Variants in EXOC6B observed in about 807,000 individuals in gnomAD.
EXOC6B encodes exocyst complex component 6B.
EXOC6B carries 54 observed loss-of-function variants against 113.5 expected under a neutral mutation model. That is an observed-to-expected ratio of 0.48 (90% confidence interval 0.38 to 0.60). The LOEUF (loss-of-function observed/expected upper bound fraction) is 0.60, where lower values mean the gene tolerates loss of function less well. Among genes scored for constraint, EXOC6B ranks in the 20% least tolerant of loss-of-function variants. The pLI, the probability that EXOC6B is intolerant of heterozygous loss-of-function variation, is 0.00. For missense variants in EXOC6B, 797 were observed against 977.5 expected, an observed-to-expected ratio of 0.82 and a Z score of 2.46; for synonymous variants, 357 against 339.0, an observed-to-expected ratio of 1.05 and a Z score of -0.58.
intron 1 of EXOC6B, among the ~76,000 whole-genome samples, chr2:72,759,186 A>G (rs1193354200): frequency 6.6e-6 from 1 of 152,182 alleles, no homozygotes. Context: ...GTAGGAACCA[A>G]TTCATACAGT....
At chr2:72,214,215 C>T (rs1017074661) in intron 20 of EXOC6B, among the ~76,000 whole-genome samples, 3 of 152,122 alleles carry the variant, frequency 2.0e-5, no homozygotes, top group African/African-American at 7.2e-5. Flanking sequence ...CGGCCGTGCA[C>T]GGTGGCTCAT....
intron 20 of EXOC6B, among the ~76,000 whole-genome samples, chr2:72,188,017 T>C (rs1352647376): frequency 6.6e-6 from 1 of 152,124 alleles, no homozygotes; most frequent in East Asian, 1.9e-4. Context: ...GATGCCTGGG[T>C]CTGCAGCCAC....
chr2:72,715,387 G>A (rs893157192), intron 6 of EXOC6B, among the ~76,000 whole-genome samples: 1 of 150,022 alleles, frequency 6.7e-6, no homozygotes, highest in Non-Finnish European at 1.5e-5. Flanking sequence ...CCTAAGGAAT[G>A]TATATTTCCC....
intron 18 of EXOC6B, among the ~76,000 whole-genome samples, chr2:72,442,801 T>A (rs1696287984): frequency 6.6e-6 from 1 of 152,190 alleles, no homozygotes; most frequent in African/African-American, 2.4e-5. Flanking sequence ...ATTGTTAAAA[T>A]GGCCATACTG....
intron 6 of EXOC6B, among the ~76,000 whole-genome samples, chr2:72,591,225 A>G (rs919407077): frequency 6.6e-6 from 1 of 152,094 alleles, no homozygotes; most frequent in Non-Finnish European, 1.5e-5. Context: ...ATCTTTATCC[A>G]CCAATGAAGC....
At chr2:72,309,713 G>C (rs1687079887) in intron 20 of EXOC6B, among the ~76,000 whole-genome samples, 1 of 150,832 alleles carries the variant, frequency 6.6e-6, no homozygotes, top group Non-Finnish European at 1.5e-5. Context: ...GTGGCACTAA[G>C]TACATTCATA....
rs74585468 is a variant in EXOC6B at position 72,396,974 on chromosome 2, GAA to G, written c.1981-17106_1981-17105del. 5.3e-3 allele frequency among the ~76,000 whole-genome samples: 732 copies of G among 139,248 alleles called. 9 individuals are homozygous for G. The highest frequency in any genetic ancestry group is 0.017 in the African/African-American group (677 of 39,270). 91.4% of individuals were successfully genotyped at this position (139,248 alleles called of 152,430 possible). A position where few individuals can be genotyped will look rare whatever the true frequency, so the allele number is the denominator to read the frequency against. On this transcript the variant is annotated intron_variant, in intron 18 of 21. Coordinates refer to ENST00000272427, the MANE Select transcript of EXOC6B (RefSeq NM_015189.3). ...ACTGGGAGAAGATGCGAACTCTACTGAAAAAAAAAAAAACATATTTTCAAAAT... is the reference window on the plus strand; with the variant it reads ...ACTGGGAGAAGATGCGAACTCTACTGAAAAAAAAAAACATATTTTCAAAAT...
At chr2:72,189,022 A>T (rs1231646497) in intron 20 of EXOC6B, among the ~76,000 whole-genome samples, 2 of 152,188 alleles carry the variant, frequency 1.3e-5, no homozygotes, top group Admixed American at 1.3e-4. Context: ...AAGGATTAGG[A>T]ATATTTTCTT....
chr2:72,307,748 GT>G (rs1380023572), intron 20 of EXOC6B, among the ~76,000 whole-genome samples: 50 of 152,070 alleles, frequency 3.3e-4, no homozygotes, highest in Non-Finnish European at 5.9e-5. Flanking sequence ...TGCCTCAGGA[GT>G]TTTAGAACAT....
At chr2:72,603,046 C>T (rs1187277757) in intron 6 of EXOC6B, among the ~76,000 whole-genome samples, 3 of 147,150 alleles carry the variant, frequency 2.0e-5, no homozygotes, top group Non-Finnish European at 3.0e-5. Context: ...AGAAAATAGT[C>T]AGGGTTAACT....
At chr2:72,542,247 T>C (rs1373263488) in intron 8 of EXOC6B, among the ~76,000 whole-genome samples, 1 of 152,188 alleles carries the variant, frequency 6.6e-6, no homozygotes, top group Non-Finnish European at 1.5e-5. Context: ...CCCAGAATTC[T>C]AGATTTTCAG....
chr2:72,797,169 C>T (rs570661506), intron 1 of EXOC6B, among the ~76,000 whole-genome samples: 2 of 152,226 alleles, frequency 1.3e-5, no homozygotes, highest in Admixed American at 1.3e-4. Flanking sequence ...TGATTCATCT[C>T]TTCCCACACT....
chr2:72,767,807 T>TCAAAAAAAAAAAAAA (rs1683160619), intron 1 of EXOC6B, among the ~76,000 whole-genome samples: 1 of 6,086 alleles, frequency 1.6e-4, no homozygotes, highest in African/African-American at 6.1e-4. Context: ...AGAGACCTTG[T>TCAAAAAAAAAAAAAA]TAAAAAAAAA....
intron 20 of EXOC6B, among the ~76,000 whole-genome samples, chr2:72,224,324 T>C (rs1681062030): frequency 6.6e-6 from 1 of 152,204 alleles, no homozygotes; most frequent in Admixed American, 6.5e-5. Flanking sequence ...ACCTTATCTC[T>C]TGTGAATCAC....
intron 19 of EXOC6B, among the ~76,000 whole-genome samples, chr2:72,343,805 G>A (rs538771772): frequency 1.3e-5 from 2 of 152,004 alleles, no homozygotes; most frequent in African/African-American, 4.8e-5. Flanking sequence ...TTGGCTTACT[G>A]TGTCTGGCCT....
At chr2:72,692,793 T>C (rs1273887711) in intron 6 of EXOC6B, among the ~76,000 whole-genome samples, 2 of 152,196 alleles carry the variant, frequency 1.3e-5, no homozygotes, top group African/African-American at 4.8e-5. Context: ...ACAATCCAGC[T>C]GCATATTTCT....
chr2:72,438,396 G>A (rs759290180), intron 18 of EXOC6B, among the ~76,000 whole-genome samples: 5 of 151,966 alleles, frequency 3.3e-5, no homozygotes, highest in Non-Finnish European at 7.4e-5. Flanking sequence ...ATCACTTGAG[G>A]ACAGGAGTTT....
chr2:72,808,600 A>C (rs1038474863), intron 1 of EXOC6B, among the ~76,000 whole-genome samples: 1 of 152,124 alleles, frequency 6.6e-6, no homozygotes, highest in Non-Finnish European at 1.5e-5. Context: ...CTCTACAACA[A>C]ATAAACTAAT....
At chr2:72,594,134 G>A (rs1169120144) in intron 6 of EXOC6B, among the ~76,000 whole-genome samples, 1 of 152,016 alleles carries the variant, frequency 6.6e-6, no homozygotes, top group Non-Finnish European at 1.5e-5. Flanking sequence ...GGGCATGCAC[G>A]CACGCCTGGC....
Sources: allele counts gnomAD v4.1 joint callset (sites outside exome capture counted in the v4.1 genomes callset), GRCh38; gene constraint gnomAD v4.1.1; transcripts MANE v1.5; gene names NCBI Gene and HGNC (gene_info 2026-07-23, HGNC 2026-07-21).